Variants in TMEM131 observed in about 807,000 individuals in gnomAD.
The protein encoded by TMEM131 is 2610524E03Rik.
In TMEM131, 66 loss-of-function variants were observed where a neutral mutation model predicts 211.6. The observed-to-expected ratio is 0.31, with a 90% CI of 0.26 to 0.38. The LOEUF is 0.38. TMEM131 is among the 10% of genes least tolerant of loss of function. The pLI, the probability that TMEM131 is intolerant of heterozygous loss-of-function variation, is 1.00. For synonymous variants in TMEM131, 844 were observed against 841.3 expected, an observed-to-expected ratio of 1.00 and a Z score of -0.06; for missense variants, 2,036 against 2,299.3, an observed-to-expected ratio of 0.89 and a Z score of 2.34.
At chr2:97,985,268 A>C (rs1009019802) in intron 1 of TMEM131, among the ~76,000 whole-genome samples, 21 of 152,248 alleles carry the variant, frequency 1.4e-4, no homozygotes, top group African/African-American at 4.8e-4. Context: ...AATAATGCAT[A>C]AAAACATACA....
chr2:97,768,950 CTTTA>C (rs1279942567), intron 33 of TMEM131, among the ~76,000 whole-genome samples: 3 of 146,476 alleles, frequency 2.0e-5, no homozygotes, highest in Non-Finnish European at 3.0e-5. Flanking sequence ...AGATGCCAGG[CTTTA>C]TTTATTTATT....
Position 97,850,398 on chromosome 2 carries a change from A to G in TMEM131, c.484-6137T>C, listed in dbSNP as rs963580372. Among the ~76,000 whole-genome samples, 6 of 152,126 alleles carry G rather than the reference A, an allele frequency of 3.9e-5. No individual in the cohort carries two copies. In the East Asian group the frequency reaches 1.2e-3, roughly 29 times the overall value. ...TTGCGCTATATATCAGTACTCATAG[A>G]GGTGTGTGGTCTGAATACATACCAG... On this transcript the variant is annotated intron_variant, in intron 5 of 40. Coordinates refer to ENST00000186436, the MANE Select transcript of TMEM131 (RefSeq NM_015348.2).
chr2:97,948,652 C>CT (rs137894541), intron 1 of TMEM131, among the ~76,000 whole-genome samples: 46,196 of 149,272 alleles, frequency 0.31, 8,262 homozygotes, highest in Non-Finnish European at 0.39. Context: ...TCAGTAGTTT[C>CT]TTTTTTTTTT....
chr2:97,889,141 T>G (rs1675277902), intron 3 of TMEM131, among the ~76,000 whole-genome samples: 2 of 152,202 alleles, frequency 1.3e-5, no homozygotes, highest in South Asian at 4.1e-4. Context: ...GTGGAATAAT[T>G]TAGCTGAAGG....
At chr2:97,781,698 AAAG>A (rs1680012398) in intron 31 of TMEM131, among the ~76,000 whole-genome samples, 1 of 152,224 alleles carries the variant, frequency 6.6e-6, no homozygotes, top group Non-Finnish European at 1.5e-5. Flanking sequence ...ATACAAAAAC[AAAG>A]AAGATGACTC....
intron 19 of TMEM131, among the ~76,000 whole-genome samples, chr2:97,807,187 TCCAAGC>T (rs1161353507): frequency 1.3e-5 from 2 of 152,158 alleles, no homozygotes; most frequent in Admixed American, 6.5e-5. Context: ...AATTTAGAAT[TCCAAGC>T]AAGTATCTGG....
chr2:97,808,306 G>A (rs1681402993), intron 19 of TMEM131, among the ~76,000 whole-genome samples: 1 of 152,150 alleles, frequency 6.6e-6, no homozygotes, highest in African/African-American at 2.4e-5. Context: ...CTTGCATACA[G>A]CATTAAGATT....
chr2:97,805,061 T>C, intron 22 of TMEM131, 27 bp downstream of exon 22: 1 of 1,461,098 alleles, frequency 6.8e-7, no homozygotes, highest in Non-Finnish European at 9.3e-7. Flanking sequence ...TAAAGATGGC[T>C]AAAATAAATA....
intron 39 of TMEM131, 88 bp from the exon 40 acceptor site, chr2:97,759,141 C>A (rs1678674949): frequency 6.6e-7 from 1 of 1,520,906 alleles, no homozygotes; most frequent in Non-Finnish European, 9.0e-7. Context: ...GGCATACCTC[C>A]AACCACTGCT....
At chr2:97,769,006 T>C (rs1042744890) in intron 33 of TMEM131, among the ~76,000 whole-genome samples, 2 of 150,408 alleles carry the variant, frequency 1.3e-5, no homozygotes, top group South Asian at 2.1e-4. Context: ...TAGAGTGCAG[T>C]GGTGCAATCA....
chr2:97,850,909 T>C (rs1035966494), intron 5 of TMEM131, among the ~76,000 whole-genome samples: 2 of 151,938 alleles, frequency 1.3e-5, no homozygotes, highest in African/African-American at 4.8e-5. Flanking sequence ...ATTCAAACAA[T>C]ACCCTTTTAA....
intron 11 of TMEM131, among the ~76,000 whole-genome samples, chr2:97,832,202 G>A (rs960163081): frequency 6.6e-6 from 1 of 151,990 alleles, no homozygotes; most frequent in South Asian, 2.1e-4. Context: ...GGACAAACAT[G>A]GGCCTATTTA....
At chr2:97,917,878 G>A (rs969471581) in intron 2 of TMEM131, among the ~76,000 whole-genome samples, 14 of 151,996 alleles carry the variant, frequency 9.2e-5, no homozygotes, top group African/African-American at 3.4e-4. Context: ...CTCACATTTC[G>A]GCTTCCCTAG....
At chr2:97,919,033 T>C in intron 2 of TMEM131, among the ~76,000 whole-genome samples, 1 of 152,196 alleles carries the variant, frequency 6.6e-6, no homozygotes. Context: ...ACATGTGGCC[T>C]TTCCATGTGG....
chr2:97,991,519 C>T (rs1053596455), intron 1 of TMEM131, among the ~76,000 whole-genome samples: 7 of 152,202 alleles, frequency 4.6e-5, no homozygotes, highest in South Asian at 2.1e-4. Context: ...CTGGAGGTGG[C>T]GCAAGATAAT....
intron 33 of TMEM131, among the ~76,000 whole-genome samples, chr2:97,769,544 T>C (rs558037921): frequency 5.8e-4 from 88 of 152,314 alleles, no homozygotes; most frequent in African/African-American, 2.0e-3. Flanking sequence ...GGCTGGCGTG[T>C]GCAGTGTGGT....
chr2:97,945,962 T>G (rs959843318), intron 1 of TMEM131, among the ~76,000 whole-genome samples: 8 of 152,118 alleles, frequency 5.3e-5, no homozygotes, highest in African/African-American at 1.9e-4. Context: ...AGATTAAATG[T>G]GCCAAGAACA....
At chr2:97,923,504 C>T (rs181272946) in intron 2 of TMEM131, among the ~76,000 whole-genome samples, 12 of 151,704 alleles carry the variant, frequency 7.9e-5, no homozygotes, top group African/African-American at 2.7e-4. Flanking sequence ...TGCCTGTAGT[C>T]CCCGCTACTT....
At chr2:97,930,561 G>C (rs1460224539) in intron 1 of TMEM131, among the ~76,000 whole-genome samples, 5 of 151,726 alleles carry the variant, frequency 3.3e-5, no homozygotes, top group Non-Finnish European at 2.9e-5. Context: ...CTTAAAAGAT[G>C]TAGAGATAAA....
Sources: allele counts gnomAD v4.1 joint callset (sites outside exome capture counted in the v4.1 genomes callset), GRCh38; gene constraint gnomAD v4.1.1; transcripts MANE v1.5; gene names NCBI Gene and HGNC (gene_info 2026-07-23, HGNC 2026-07-21).